Variants in ENPP1 observed in about 807,000 individuals in gnomAD.
The protein encoded by ENPP1 is ectonucleotide pyrophosphatase/phosphodiesterase family member 1.
In ENPP1, 73 loss-of-function variants were observed where a neutral mutation model predicts 122.8. The ratio of observed to expected loss-of-function variants is 0.59; its 90% CI spans 0.49 to 0.72. The LOEUF is 0.72. Ranked by LOEUF, ENPP1 falls within the 30% of genes least tolerant of loss-of-function variation. ENPP1 has a pLI of 0.00. For missense variants in ENPP1, 978 were observed against 1,128.1 expected (o/e 0.87, Z 1.91); for synonymous variants, 367 against 391.6 (o/e 0.94, Z 0.74).
chr6:131,845,069 T>TTTG (rs1781790637), intron 1 of ENPP1, among the ~76,000 whole-genome samples: 1 of 144,002 alleles, frequency 6.9e-6, no homozygotes, highest in Non-Finnish European at 1.5e-5. Flanking sequence ...TTTTTTTTTT[T>TTTG]TTTCCTTGAG....
chr6:131,874,921 TG>T (rs1427223278), intron 16 of ENPP1, among the ~76,000 whole-genome samples: 3 of 152,106 alleles, frequency 2.0e-5, no homozygotes, highest in South Asian at 2.1e-4. Context: ...GCAACATGGA[TG>T]GAATTGGGGG....
chr6:131,826,477 T>C (rs980590636), intron 1 of ENPP1: 4 of 1,041,194 alleles, frequency 3.8e-6, no homozygotes, highest in Non-Finnish European at 6.0e-6. Context: ...GTGCCATAAG[T>C]TTAAGCAGGA....
chr6:131,864,777 T>G (rs1237151125), intron 10 of ENPP1, 89 bp from the exon 11 acceptor site: 1 of 938,534 alleles, frequency 1.1e-6, no homozygotes, highest in East Asian at 2.4e-5. Context: ...TGTTATAAAA[T>G]TTAATCCCTA....
chr6:131,813,597 A>G (rs911794516), intron 1 of ENPP1, among the ~76,000 whole-genome samples: 1 of 151,990 alleles, frequency 6.6e-6, no homozygotes, highest in African/African-American at 2.4e-5. Context: ...GTGTGCAGAC[A>G]TGACTTAACC....
intron 1 of ENPP1, chr6:131,820,556 C>T (rs1781472452): frequency 6.6e-6 from 1 of 152,222 alleles, no homozygotes; most frequent in Non-Finnish European, 1.5e-5. Flanking sequence ...GCTAGAACCT[C>T]CAAACAAACT....
intron 1 of ENPP1, chr6:131,820,685 C>A (rs1781474143): frequency 6.6e-6 from 1 of 152,222 alleles, no homozygotes; most frequent in Admixed American, 6.5e-5. Context: ...CAAACCACAG[C>A]TCTGCTGTTA....
intron 16 of ENPP1, 37 bp from the exon 17 acceptor site, chr6:131,875,739 G>A (rs746063552): frequency 6.5e-7 from 1 of 1,541,482 alleles, no homozygotes; most frequent in South Asian, 1.1e-5. Flanking sequence ...GTAGACAGCT[G>A]AAATGCACTG....
chr6:131,831,129 A>AG (rs1195354333), intron 1 of ENPP1, among the ~76,000 whole-genome samples: 9 of 151,202 alleles, frequency 6.0e-5, no homozygotes, highest in African/African-American at 1.9e-4. Context: ...AAAAAAAAAA[A>AG]AAAAAAAAGA....
At chr6:131,885,611 A>G (rs764110858) in intron 23 of ENPP1, among the ~76,000 whole-genome samples, 1 of 152,188 alleles carries the variant, frequency 6.6e-6, no homozygotes, top group Non-Finnish European at 1.5e-5. Flanking sequence ...AAACTGGTTG[A>G]TCTTTATTGA....
chr6:131,845,615 G>T (rs754180401), intron 1 of ENPP1, among the ~76,000 whole-genome samples: 1 of 151,564 alleles, frequency 6.6e-6, no homozygotes, highest in African/African-American at 2.4e-5. Context: ...GCATCACCAT[G>T]CTGGGCTAAT....
chr6:131,824,459 TGTTGTTGTTG>T (rs1781520158), intron 1 of ENPP1, among the ~76,000 whole-genome samples: 1 of 128,840 alleles, frequency 7.8e-6, no homozygotes, highest in South Asian at 2.6e-4. Context: ...TTGTTGTTGT[TGTTGTTGTTG>T]TTTGAGACGG....
intron 1 of ENPP1, among the ~76,000 whole-genome samples, chr6:131,840,480 G>A (rs1781726479): frequency 6.6e-6 from 1 of 152,236 alleles, no homozygotes; most frequent in African/African-American, 2.4e-5. Flanking sequence ...AGTGGGCCCA[G>A]TCCTTTCAGT....
chr6:131,873,012 C>G lies in ENPP1; in HGVS notation c.1527C>G (p.Pro509=). The G allele has an allele frequency of 4.3e-6, 7 of 1,613,676 alleles. No individual in the cohort carries two copies. In the South Asian group the frequency reaches 7.7e-5, roughly 18 times the overall value. Residue 509 remains proline, a synonymous_variant, in exon 15 of 25, where the codon CCC becomes CCG. Transcript: ENST00000647893. The part of the protein sequence containing the change: ...LHFAKSDRIE[P]LTFYLDPQWQ... ...TTGCTAAGAGTGATAGAATTGAGCC[C>G]TTGACATTCTATTTGGACCCTCAGT... is the stretch of plus-strand genomic sequence containing the variant.
intron 21 of ENPP1, among the ~76,000 whole-genome samples, chr6:131,883,271 G>T (rs1782335511): frequency 6.6e-6 from 1 of 152,206 alleles, no homozygotes; most frequent in Admixed American, 6.5e-5. Context: ...GAGAAGCCTT[G>T]TATGGTGTTT....
rs576122860 is a variant in ENPP1, at chr6:131,816,493, C to T, written c.240+8218C>T. ...TGATACTCAGAATTCTGACCCAGCT[C>T]GAAAATCCCTTGTCATCGGATAAAA... On this transcript the variant is annotated intron_variant, in intron 1 of 24. Coordinates refer to ENST00000647893, the MANE Select transcript of ENPP1 (RefSeq NM_006208.3). 1.8e-4 allele frequency among the ~76,000 whole-genome samples: 28 copies of T among 152,176 alleles called. 1 individual carries two copies. The highest frequency in any genetic ancestry group is 5.5e-4 in the African/African-American group (23 of 41,500).
intron 5 of ENPP1, among the ~76,000 whole-genome samples, chr6:131,853,135 C>A (rs1255167536): frequency 1.3e-5 from 2 of 151,990 alleles, no homozygotes; most frequent in Non-Finnish European, 2.9e-5. Flanking sequence ...TCATTTTGTT[C>A]ATGTATGTAA....
chr6:131,887,135 G>GTTTATCTGAGGTATGGATTTTCTCTTTT (rs1461068502), intron 24 of ENPP1, among the ~76,000 whole-genome samples: 54 of 151,770 alleles, frequency 3.6e-4, no homozygotes, highest in African/African-American at 1.3e-3. Context: ...TAAAGTCTAG[G>GTTTATCTGAGGTATGGATTTTCTCTTTT]TTTATCTGAG....
chr6:131,872,025 A>G (rs2114714377), intron 13 of ENPP1, 45 bp from the exon 14 acceptor site: 6 of 1,340,418 alleles, frequency 4.5e-6, no homozygotes, highest in Non-Finnish European at 6.4e-6. Context: ...TGTTTTAATT[A>G]TAGTATACAA....
chr6:131,860,352 C>T (rs201328341), intron 7 of ENPP1, 35 bp from the exon 8 acceptor site: 3 of 1,521,204 alleles, frequency 2.0e-6, no homozygotes, highest in Admixed American at 3.4e-5. Flanking sequence ...ATTAAGTAAA[C>T]ACAACTTGCA....
Sources: allele counts gnomAD v4.1 joint callset (sites outside exome capture counted in the v4.1 genomes callset), GRCh38; gene constraint gnomAD v4.1.1; transcripts MANE v1.5; gene names NCBI Gene and HGNC (gene_info 2026-07-23, HGNC 2026-07-21).